PGM2L1: variants seen among roughly 807,000 people sequenced by gnomAD.
The protein encoded by PGM2L1 is glucose 1,6-bisphosphate synthase.
A neutral mutation model predicts 73.4 loss-of-function variants in PGM2L1; 35 were observed. The observed-to-expected ratio is 0.48, with a 90% confidence interval of 0.36 to 0.63. PGM2L1 has a LOEUF of 0.63. Ranked by LOEUF, PGM2L1 falls within the 30% of genes least tolerant of loss-of-function variation. The pLI is 0.00. For missense variants in PGM2L1, 570 were observed against 742.0 expected, an observed-to-expected ratio of 0.77 and a Z score of 2.69; for synonymous variants, 225 against 253.8, an observed-to-expected ratio of 0.89 and a Z score of 1.08.
intron 5 of PGM2L1, among the ~76,000 whole-genome samples, chr11:74,359,450 T>C (rs118125493): frequency 0.032 from 4,784 of 151,146 alleles, 86 homozygotes; most frequent in Non-Finnish European, 0.051. Flanking sequence ...CACACACACA[T>C]ACATATTTTT....
chr11:74,385,051 G>T (rs967038773), intron 1 of PGM2L1, among the ~76,000 whole-genome samples: 4 of 152,174 alleles, frequency 2.6e-5, no homozygotes, highest in African/African-American at 9.7e-5. Flanking sequence ...TCATGGCCTG[G>T]AATTTCCTTC....
intron 1 of PGM2L1, among the ~76,000 whole-genome samples, chr11:74,394,934 G>A (rs572770826): frequency 4.8e-4 from 23 of 48,254 alleles, no homozygotes; most frequent in African/African-American, 1.9e-3. Flanking sequence ...TTCATCAGGT[G>A]TTAAAATCAG....
intron 2 of PGM2L1, 28 bp downstream of exon 2, chr11:74,374,387 T>C (rs1176706743): frequency 1.3e-6 from 2 of 1,523,042 alleles, no homozygotes; most frequent in African/African-American, 2.7e-5. Context: ...CAGTCAAAAG[T>C]ACACTCTTAA....
rs1181816655 is a variant in PGM2L1, at chr11:74,332,098, C to A, written c.*4554G>T. ...GCTGTGCAAGGAGTCAGACAATGAG[C>A]AATTCTCATCTTACTATTTATACCT... is the stretch of plus-strand genomic sequence containing the variant. On this transcript the variant is annotated 3_prime_UTR_variant, in exon 14 of 14. Transcript: ENST00000298198. The A allele has an allele frequency of 6.6e-6, 1 of 152,160 alleles. No individual in the cohort carries two copies. The highest frequency in any genetic ancestry group is 2.4e-5 in the African/African-American group (1 of 41,426). 9.4% of individuals were successfully genotyped at this position (152,160 alleles called of 1,614,324 possible). A position where few individuals can be genotyped will look rare whatever the true frequency, so the allele number is the denominator to read the frequency against.
intron 1 of PGM2L1, among the ~76,000 whole-genome samples, chr11:74,395,464 G>A (rs958772526): frequency 1.3e-5 from 2 of 149,660 alleles, no homozygotes; most frequent in Non-Finnish European, 3.0e-5. Flanking sequence ...TCAGCTCACT[G>A]CAACCTCCGC....
intron 4 of PGM2L1, among the ~76,000 whole-genome samples, chr11:74,369,820 C>A (rs1862724326): frequency 1.3e-5 from 2 of 152,186 alleles, no homozygotes. Flanking sequence ...AATCTCAGCT[C>A]ACTGCAATCT....
chr11:74,342,534 C>A lies in PGM2L1; in HGVS notation c.1559G>T (p.Cys520Phe), dbSNP rs764275798. The stretch of plus-strand genomic sequence containing the variant: ...TACATGCAATATAGCAAATGTTCCA[C>A]AAAATTTTGGATATTCTTTTGGAGA... The part of the protein sequence containing the change: ...FDSPKEYPKF[C>F]GTFAILHVRD... The change falls in exon 12 of 14, where the codon TGT becomes TTT. Residue 520 changes from cysteine (C) to phenylalanine (F), a missense_variant. Coordinates refer to ENST00000298198, the MANE Select transcript of PGM2L1 (RefSeq NM_173582.6). 1.2e-6 allele frequency: 2 copies of A among 1,609,658 alleles called. No individual in the cohort carries two copies. The highest frequency in any genetic ancestry group is 1.7e-6 in the Non-Finnish European group (2 of 1,177,754).
chr11:74,379,812 C>G (rs1005597449), intron 1 of PGM2L1, among the ~76,000 whole-genome samples: 1 of 151,938 alleles, frequency 6.6e-6, no homozygotes, highest in African/African-American at 2.4e-5. Context: ...GTAATCCCAG[C>G]TATTCGGGAG....
At chr11:74,343,769 CTTTTTT>C (rs56938172) in intron 9 of PGM2L1, among the ~76,000 whole-genome samples, 2 of 79,116 alleles carry the variant, frequency 2.5e-5, no homozygotes, top group East Asian at 4.3e-4. Context: ...TTTACATTAT[CTTTTTT>C]TTTTTTTTTT....
At chr11:74,365,841 A>G (rs2134921730) in intron 5 of PGM2L1, among the ~76,000 whole-genome samples, 1 of 152,330 alleles carries the variant, frequency 6.6e-6, no homozygotes, top group South Asian at 2.1e-4. Flanking sequence ...ATACCATTTG[A>G]CCCAGCAATC....
In PGM2L1 at chr11:74,345,476, T is replaced by G. The variant is rs760298575; in HGVS notation, c.1211A>C (p.His404Pro). 2 of 1,607,934 alleles carry G rather than the reference T, an allele frequency of 1.2e-6. No individual in the cohort carries two copies. Among genetic ancestry groups the G allele is most frequent in the African/African-American group, 2.7e-5 (2 of 74,780 alleles). ...LKAIALKEGF[H>P]FEETLPGFKW... ...GATATTATTGATTCTTACTTCAAAATGAAATCCTTCTTTAAGTGCAATTGC... is the reference window on the plus strand; with the variant it reads ...GATATTATTGATTCTTACTTCAAAAGGAAATCCTTCTTTAAGTGCAATTGC... Residue 404 changes from histidine (H) to proline (P), a missense_variant, in exon 9 of 14, where the codon CAT (histidine) becomes CCT (proline). His to Pro is a moderately conservative substitution (Grantham distance 77). Transcript: ENST00000298198.
intron 5 of PGM2L1, 48 bp from the exon 6 acceptor site, chr11:74,351,624 ATCTTT>A: frequency 6.8e-7 from 1 of 1,472,588 alleles, no homozygotes; most frequent in Non-Finnish European, 9.2e-7. Context: ...TGCTTGCCAG[ATCTTT>A]TCTTGTCTAT....
At chr11:74,387,884 G>A (rs1863039226) in intron 1 of PGM2L1, among the ~76,000 whole-genome samples, 1 of 152,090 alleles carries the variant, frequency 6.6e-6, no homozygotes, top group Admixed American at 6.6e-5. Context: ...TTCATTCCCA[G>A]ACCCCACCTT....
At chr11:74,396,031 C>A (rs1354330849) in intron 1 of PGM2L1, among the ~76,000 whole-genome samples, 2 of 151,836 alleles carry the variant, frequency 1.3e-5, no homozygotes, top group Non-Finnish European at 2.9e-5. Context: ...GTGGGAGAAT[C>A]CCTTGAGGCC....
chr11:74,346,270 C>CAAA (rs751742460), intron 8 of PGM2L1, among the ~76,000 whole-genome samples: 1 of 57,880 alleles, frequency 1.7e-5, no homozygotes. Flanking sequence ...ACTATGTCTC[C>CAAA]AAAAAAAAAA....
chr11:74,342,881 T>C lies in PGM2L1; in HGVS notation c.1442+4A>G, dbSNP rs559116728. The C allele has an allele frequency of 3.8e-6, 6 of 1,587,324 alleles. No homozygotes were observed. The highest frequency in any genetic ancestry group is 3.5e-5 in the South Asian group (3 of 85,550). ...CATGTGAAATTCATAATAGTAGAACTTACTTTTCATAAACCTTAACCAGTT... is the reference window on the plus strand; with the variant it reads ...CATGTGAAATTCATAATAGTAGAACCTACTTTTCATAAACCTTAACCAGTT... On this transcript the variant is annotated splice_donor_region_variant and intron_variant, in intron 11 of 13. Coordinates refer to ENST00000298198, the MANE Select transcript of PGM2L1 (RefSeq NM_173582.6).
intron 6 of PGM2L1, among the ~76,000 whole-genome samples, chr11:74,348,257 A>G (rs1862299056): frequency 6.6e-6 from 1 of 152,164 alleles, no homozygotes; most frequent in Non-Finnish European, 1.5e-5. Flanking sequence ...GGTCTTTTCC[A>G]CAGCAAAACT....
intron 5 of PGM2L1, among the ~76,000 whole-genome samples, chr11:74,359,686 A>T (rs1349330409): frequency 6.6e-6 from 1 of 152,154 alleles, no homozygotes; most frequent in African/African-American, 2.4e-5. Context: ...ACAGAACACT[A>T]TTATATAGTA....
At chr11:74,349,697 A>G (rs182275170) in intron 6 of PGM2L1, among the ~76,000 whole-genome samples, 14 of 152,278 alleles carry the variant, frequency 9.2e-5, no homozygotes, top group Admixed American at 9.1e-4. Context: ...TAAATAAAAC[A>G]TATTTCAAAT....
Sources: allele counts gnomAD v4.1 joint callset (sites outside exome capture counted in the v4.1 genomes callset), GRCh38; gene constraint gnomAD v4.1.1; transcripts MANE v1.5; gene names NCBI Gene and HGNC (gene_info 2026-07-23, HGNC 2026-07-21).